TFEC: variants seen among roughly 807,000 people sequenced by gnomAD.
TFEC encodes transcription factor EC.
In TFEC, 31 loss-of-function variants were observed where a neutral mutation model predicts 41.6. That is an observed-to-expected ratio of 0.74 (90% CI 0.56 to 1.01). The LOEUF (loss-of-function observed/expected upper bound fraction) is 1.01, where lower values mean the gene tolerates loss of function less well. Ranked by LOEUF, TFEC falls within the 50% of genes least tolerant of loss-of-function variation. The pLI, the probability that TFEC is intolerant of heterozygous loss-of-function variation, is 0.00. For synonymous variants in TFEC, 143 were observed against 140.6 expected (o/e 1.02, Z -0.12); for missense variants, 402 against 404.1 (o/e 0.99, Z 0.04).
At chr7:116,081,291 C>A (rs1244303111) in intron 3 of TFEC, among the ~76,000 whole-genome samples, 1 of 150,428 alleles carries the variant, frequency 6.6e-6, no homozygotes, top group Non-Finnish European at 1.5e-5. Context: ...GATGGGTGCA[C>A]CAAAATCTCA....
At chr7:116,113,684 T>C (rs1233465339) in intron 1 of TFEC, among the ~76,000 whole-genome samples, 2 of 152,054 alleles carry the variant, frequency 1.3e-5, no homozygotes, top group African/African-American at 4.8e-5. Flanking sequence ...TTATAATGCG[T>C]TCACTGATAA....
At chr7:115,949,249 A>C (rs995446890) in intron 6 of TFEC, among the ~76,000 whole-genome samples, 3 of 152,070 alleles carry the variant, frequency 2.0e-5, no homozygotes, top group Non-Finnish European at 2.9e-5. Context: ...AGGAAGAATC[A>C]ATATCGTGAA....
chr7:116,068,609 T>G lies in TFEC; in HGVS notation c.198+42099A>C, dbSNP rs892962159. 2.6e-5 allele frequency among the ~76,000 whole-genome samples: 4 copies of G among 151,682 alleles called. No homozygotes were observed. In the Admixed American group the frequency reaches 2.6e-4, roughly 10 times the overall value. ...TAATTAACAAAATAATAGAAAAGCTTACTAGTATATATGCATATTATCTAT... is the reference window on the plus strand; with the variant it reads ...TAATTAACAAAATAATAGAAAAGCTGACTAGTATATATGCATATTATCTAT... On this transcript the variant is annotated intron_variant, in intron 3 of 8. Transcript: ENST00000484212.
intron 5 of TFEC, among the ~76,000 whole-genome samples, chr7:115,953,909 C>G (rs1413925494): frequency 6.6e-6 from 1 of 152,066 alleles, no homozygotes; most frequent in Non-Finnish European, 1.5e-5. Flanking sequence ...TTTCATTCTA[C>G]TCTGTTCTCA....
At chr7:115,966,816 C>A (rs1340324751) in intron 3 of TFEC, among the ~76,000 whole-genome samples, 1 of 151,762 alleles carries the variant, frequency 6.6e-6, no homozygotes, top group African/African-American at 2.4e-5. Flanking sequence ...CCCATTCCTT[C>A]AATAAGCATC....
intron 1 of TFEC, among the ~76,000 whole-genome samples, chr7:115,996,516 T>C (rs1186690488): frequency 6.6e-6 from 1 of 151,300 alleles, no homozygotes; most frequent in Non-Finnish European, 1.5e-5. Context: ...CTATGGTGGG[T>C]TTGGGGAGAG....
chr7:116,111,759 A>T (rs1301585491), intron 2 of TFEC, among the ~76,000 whole-genome samples: 1 of 152,076 alleles, frequency 6.6e-6, no homozygotes, highest in Non-Finnish European at 1.5e-5. Flanking sequence ...ATATTAGGTA[A>T]GACATTATAT....
chr7:116,144,400 A>G (rs1584568466), intron 1 of TFEC, among the ~76,000 whole-genome samples: 1 of 152,116 alleles, frequency 6.6e-6, no homozygotes, highest in African/African-American at 2.4e-5. Flanking sequence ...ATTTTATAAG[A>G]TTTGTGATTG....
intron 3 of TFEC, among the ~76,000 whole-genome samples, chr7:116,045,483 C>A (rs939450395): frequency 6.6e-6 from 1 of 152,208 alleles, no homozygotes; most frequent in African/African-American, 2.4e-5. Context: ...AAGCCCCAAG[C>A]CTTGGCAGCT....
intron 1 of TFEC, among the ~76,000 whole-genome samples, chr7:116,024,077 G>A (rs368228350): frequency 3.3e-5 from 5 of 152,128 alleles, no homozygotes; most frequent in East Asian, 1.9e-4. Context: ...CTACTGCTTC[G>A]ACATTAATGA....
At chr7:116,027,142 T>C (rs1795614958) in intron 1 of TFEC, among the ~76,000 whole-genome samples, 3 of 152,172 alleles carry the variant, frequency 2.0e-5, no homozygotes, top group East Asian at 1.9e-4. Context: ...CTGCAGACAT[T>C]GGCAGGGATA....
intron 3 of TFEC, among the ~76,000 whole-genome samples, chr7:116,080,632 C>T (rs1281047463): frequency 1.3e-5 from 2 of 152,006 alleles, no homozygotes; most frequent in Non-Finnish European, 1.5e-5. Context: ...CAAATCAAAA[C>T]CACAATGCAG....
intron 1 of TFEC, among the ~76,000 whole-genome samples, chr7:116,113,476 C>G (rs563237260): frequency 6.6e-6 from 1 of 152,016 alleles, no homozygotes; most frequent in Non-Finnish European, 1.5e-5. Flanking sequence ...AGAATTCTGG[C>G]CTCCAGAACT....
At chr7:115,977,163 A>C (rs1050209872) in intron 2 of TFEC, among the ~76,000 whole-genome samples, 1 of 152,160 alleles carries the variant, frequency 6.6e-6, no homozygotes, top group Admixed American at 6.6e-5. Flanking sequence ...TATTTTAAAA[A>C]GACAAAAAAC....
At chr7:116,049,010 C>G (rs1363997606) in intron 3 of TFEC, among the ~76,000 whole-genome samples, 3 of 152,144 alleles carry the variant, frequency 2.0e-5, no homozygotes, top group Admixed American at 2.0e-4. Context: ...ACAGCCAGTA[C>G]CAGCCACTGC....
intron 3 of TFEC, among the ~76,000 whole-genome samples, chr7:116,039,558 A>T (rs1234866664): frequency 6.6e-6 from 1 of 151,926 alleles, no homozygotes; most frequent in East Asian, 1.9e-4. Flanking sequence ...CTTTCAGAGG[A>T]ACATCAAACT....
intron 3 of TFEC, among the ~76,000 whole-genome samples, chr7:116,053,807 A>G (rs1217920077): frequency 2.6e-5 from 4 of 152,230 alleles, no homozygotes; most frequent in Admixed American, 2.6e-4. Context: ...CTCCAGAACT[A>G]TAAGAAATAA....
At chr7:116,158,300 CT>C (rs1477639851) in intron 1 of TFEC, among the ~76,000 whole-genome samples, 1 of 151,918 alleles carries the variant, frequency 6.6e-6, no homozygotes, top group Non-Finnish European at 1.5e-5. Flanking sequence ...TTTTTTCCCC[CT>C]CATCTTCAAA....
intron 3 of TFEC, among the ~76,000 whole-genome samples, chr7:116,068,004 A>G (rs1250105227): frequency 6.6e-6 from 1 of 151,848 alleles, no homozygotes; most frequent in Non-Finnish European, 1.5e-5. Context: ...TCTCTCTGAT[A>G]TATCTAAGAC....
Sources: allele counts gnomAD v4.1 joint callset (sites outside exome capture counted in the v4.1 genomes callset), GRCh38; gene constraint gnomAD v4.1.1; transcripts MANE v1.5; gene names NCBI Gene and HGNC (gene_info 2026-07-23, HGNC 2026-07-21).